The following LRRC49 variants were observed in gnomAD, a reference collection of about 807,000 sequenced individuals.
The protein encoded by LRRC49 is leucine rich repeat containing 49, also known as leucine-rich repeat-containing protein 49.
In LRRC49, 50 loss-of-function variants were observed where a neutral mutation model predicts 83.3. The ratio of observed to expected loss-of-function variants is 0.60; its 90% confidence interval spans 0.48 to 0.76. The LOEUF (loss-of-function observed/expected upper bound fraction) is 0.76. Ranked by LOEUF, LRRC49 falls within the 30% of genes least tolerant of loss-of-function variation. The probability of loss-of-function intolerance (pLI) is 0.00; values close to 1 mark genes in which losing one functional copy is unlikely to be tolerated. For missense variants in LRRC49, 704 were observed against 809.1 expected, an observed-to-expected ratio of 0.87 and a Z score of 1.58; for synonymous variants, 286 against 283.3, an observed-to-expected ratio of 1.01 and a Z score of -0.10.
In LRRC49 at chr15:70,926,853, C is replaced by T. The variant is rs531763196; in HGVS notation, c.711+7660C>T. 5.8e-4 allele frequency among the ~76,000 whole-genome samples: 89 copies of T among 152,160 alleles called. 1 individual carries two copies. The South Asian group carries it at 0.012, about 21-fold the overall frequency. On this transcript the variant is annotated intron_variant, in intron 7 of 15. Coordinates refer to ENST00000260382, the MANE Select transcript of LRRC49 (RefSeq NM_017691.5). ...ACTCATCTGACAAAGGGCTAATATC[C>T]AGAATCTACGAAGAACTCAAACAAA...
intron 1 of LRRC49, chr15:70,859,449 T>A: frequency 4.2e-6 from 3 of 721,582 alleles, no homozygotes; most frequent in Non-Finnish European, 7.7e-6. Flanking sequence ...TCTGTGGTGC[T>A]GTCCATGGAC....
intron 8 of LRRC49, among the ~76,000 whole-genome samples, chr15:70,959,593 GGA>G (rs1567070874): frequency 2.8e-4 from 35 of 125,828 alleles, no homozygotes; most frequent in African/African-American, 9.6e-4. Flanking sequence ...AAGGAAGGAA[GGA>G]AGGAAGGGAG....
rs114666187 is a variant in LRRC49 at position 70,900,488 on chromosome 15, G to A, written c.194-434G>A. The A allele has an allele frequency of 4.4e-4, 201 of 456,710 alleles. 3 individuals carry two copies. The highest frequency in any genetic ancestry group is 3.4e-3 in the African/African-American group (171 of 50,188). The allele number at this position is 456,710 out of a possible 1,614,324, so 28.3% of individuals were successfully genotyped here. The stretch of plus-strand genomic sequence containing the variant: ...ATGGGCTGGAAATGAAAACTGCCAC[G>A]AGGTCCTTATCAGCATTTGGAGATT... On this transcript the variant is annotated intron_variant, in intron 3 of 15. Transcript: ENST00000260382.
At chr15:70,987,694 C>T (rs1010230815) in intron 11 of LRRC49, among the ~76,000 whole-genome samples, 66 of 152,148 alleles carry the variant, frequency 4.3e-4, no homozygotes, top group Non-Finnish European at 7.6e-4. Flanking sequence ...AATGTGTTTT[C>T]TCTTGCTTTT....
intron 14 of LRRC49, among the ~76,000 whole-genome samples, 186 bp from the exon 15 acceptor site, chr15:71,036,993 G>C (rs1219860628): frequency 4.0e-5 from 6 of 151,898 alleles, no homozygotes. Context: ...AAAATAATTG[G>C]GGCTGAATAG....
intron 7 of LRRC49, among the ~76,000 whole-genome samples, chr15:70,929,377 T>TA (rs2035326146): frequency 6.6e-6 from 1 of 152,164 alleles, no homozygotes; most frequent in South Asian, 2.1e-4. Context: ...GCATTATGTC[T>TA]AAAAAAACTA....
intron 7 of LRRC49, among the ~76,000 whole-genome samples, chr15:70,935,850 C>T (rs2035575889): frequency 6.6e-6 from 1 of 152,094 alleles, no homozygotes; most frequent in Non-Finnish European, 1.5e-5. Flanking sequence ...TCCTGGGCCA[C>T]CTTCCCACCA....
chr15:70,999,763 C>G (rs1328683070), intron 11 of LRRC49, among the ~76,000 whole-genome samples: 1 of 152,202 alleles, frequency 6.6e-6, no homozygotes, highest in African/African-American at 2.4e-5. Flanking sequence ...CTAGCCTCTT[C>G]CTTCTCAGCC....
intron 8 of LRRC49, among the ~76,000 whole-genome samples, chr15:70,943,330 A>G (rs2035890628): frequency 6.6e-6 from 1 of 152,186 alleles, no homozygotes; most frequent in African/African-American, 2.4e-5. Flanking sequence ...GGCATAAGGC[A>G]AAAGGAGAGA....
At chr15:70,876,604 A>G (rs372146973) in intron 2 of LRRC49, among the ~76,000 whole-genome samples, 1 of 152,286 alleles carries the variant, frequency 6.6e-6, no homozygotes, top group East Asian at 1.9e-4. Context: ...TTATAGTACT[A>G]ATAGTACTGC....
Position 70,980,114 on chromosome 15 carries a change from G to A in LRRC49, c.935G>A (p.Arg312His), listed in dbSNP as rs527806052. The change falls in exon 10 of 16, where the codon CGT (arginine) becomes CAT (histidine). Residue 312 changes from arginine (R) to histidine (H), a missense_variant. Coordinates refer to ENST00000260382, the MANE Select transcript of LRRC49 (RefSeq NM_017691.5). The part of the protein sequence containing the change: ...DMKRITEEER[R>H]MASVLAKKEE... Reference sequence around the variant, plus strand: ...AATGTCTTTTAGGAAGAAGAAAGGCGTATGGCATCTGTTTTAGCCAAAAAA... The same window carrying A: ...AATGTCTTTTAGGAAGAAGAAAGGCATATGGCATCTGTTTTAGCCAAAAAA... 22 of 1,609,196 alleles carry A rather than the reference G, an allele frequency of 1.4e-5. No individual in the cohort carries two copies. Among genetic ancestry groups the A allele is most frequent in the Middle Eastern group, 1.7e-4 (1 of 6,032 alleles).
At chr15:70,919,691 A>T (rs773147128) in intron 7 of LRRC49, among the ~76,000 whole-genome samples, 1 of 152,172 alleles carries the variant, frequency 6.6e-6, no homozygotes, top group Non-Finnish European at 1.5e-5. Context: ...TTCATCTCTC[A>T]TTAGCTGTGT....
intron 8 of LRRC49, among the ~76,000 whole-genome samples, chr15:70,941,744 C>G (rs2035826261): frequency 6.6e-6 from 1 of 152,094 alleles, no homozygotes; most frequent in African/African-American, 2.4e-5. Flanking sequence ...AAAATACATA[C>G]AGATACTCTC....
Position 71,049,706 on chromosome 15 carries a change from C to A in LRRC49, c.*94C>A. ...CATGTTAAAACAACAACAACACTAT[C>A]CTATAAACTAGAAAGACTAGTATAA... is the stretch of plus-strand genomic sequence containing the variant. On this transcript the variant is annotated 3_prime_UTR_variant, in exon 16 of 16. Transcript: ENST00000260382. The A allele has an allele frequency of 2.6e-6, 2 of 766,294 alleles. No homozygotes were observed. Among genetic ancestry groups the A allele is most frequent in the African/African-American group, 1.8e-5 (1 of 57,010 alleles). The allele number at this position is 766,294 out of a possible 1,614,324, so 47.5% of individuals were successfully genotyped here. A position where few individuals can be genotyped will look rare whatever the true frequency, so the allele number is the denominator to read the frequency against.
At chr15:71,016,816 T>C (rs558719576) in intron 14 of LRRC49, among the ~76,000 whole-genome samples, 1 of 152,058 alleles carries the variant, frequency 6.6e-6, no homozygotes, top group African/African-American at 2.4e-5. Context: ...ACAATAAAAT[T>C]GGGAACAGGC....
At chr15:70,898,579 C>CTTGATGA in intron 3 of LRRC49, 1 of 517,288 alleles carries the variant, frequency 1.9e-6, no homozygotes. Context: ...GTTCAAGACC[C>CTTGATGA]CATCTTGAAC....
intron 14 of LRRC49, among the ~76,000 whole-genome samples, chr15:71,030,682 T>C (rs979040047): frequency 2.6e-5 from 4 of 152,158 alleles, no homozygotes; most frequent in Non-Finnish European, 5.9e-5. Context: ...TCTTTTCATA[T>C]AGTCACATAT....
At chr15:70,942,033 A>ATGTGTGTGTGTGTGTGTGTG (rs34818331) in intron 8 of LRRC49, among the ~76,000 whole-genome samples, 1 of 144,088 alleles carries the variant, frequency 6.9e-6, no homozygotes, top group Non-Finnish European at 1.5e-5. Context: ...TGTAAAGGTT[A>ATGTGTGTGTGTGTGTGTGTG]TGTGTGTGTG....
intron 15 of LRRC49, among the ~76,000 whole-genome samples, chr15:71,042,675 C>G (rs778833187): frequency 4.6e-5 from 7 of 152,170 alleles, no homozygotes; most frequent in Non-Finnish European, 1.0e-4. Context: ...GAGGTAAGTT[C>G]TTCACAAATC....
Sources: gnomAD v4.1 joint callset for allele counts (sites outside exome capture counted in the v4.1 genomes callset) on GRCh38, gnomAD v4.1.1 for gene constraint, MANE v1.5 for transcripts, NCBI Gene and HGNC (gene_info 2026-07-23, HGNC 2026-07-21) for gene names.